SLC8A1: variants seen among roughly 807,000 people sequenced by gnomAD.
SLC8A1 encodes solute carrier family 8 member A1.
Under a neutral mutation model 68.3 loss-of-function variants are expected in SLC8A1, and 18 were observed. That is an observed-to-expected ratio of 0.26 (90% CI 0.18 to 0.39). The LOEUF is 0.39. Among genes scored for constraint, SLC8A1 ranks in the 10% least tolerant of loss-of-function variants. SLC8A1 has a pLI of 1.00. For missense variants in SLC8A1, 985 were observed against 1,156.7 expected, an observed-to-expected ratio of 0.85 and a Z score of 2.15; for synonymous variants, 475 against 415.5, an observed-to-expected ratio of 1.14 and a Z score of -1.74.
At chr2:40,408,817 T>C (rs1691192084) in intron 2 of SLC8A1, among the ~76,000 whole-genome samples, 1 of 152,192 alleles carries the variant, frequency 6.6e-6, no homozygotes, top group Admixed American at 6.5e-5. Flanking sequence ...CTAATTCTGT[T>C]ATGCTGAAAG....
chr2:40,447,699 C>A (rs1449148215), intron 1 of SLC8A1, among the ~76,000 whole-genome samples: 1 of 151,832 alleles, frequency 6.6e-6, no homozygotes, highest in Non-Finnish European at 1.5e-5. Flanking sequence ...GATAGAATTC[C>A]TTTATTCAAA....
chr2:40,250,332 T>C (rs925768517), intron 2 of SLC8A1: 2 of 152,148 alleles, frequency 1.3e-5, no homozygotes, highest in Non-Finnish European at 2.9e-5. Context: ...AATATATGCA[T>C]TACGAAGAGA....
At chr2:40,384,894 G>A (rs1683068270) in intron 2 of SLC8A1, among the ~76,000 whole-genome samples, 1 of 151,802 alleles carries the variant, frequency 6.6e-6, no homozygotes, top group Non-Finnish European at 1.5e-5. Flanking sequence ...ATTAACAACT[G>A]TTACTTATAA....
At chr2:40,378,216 C>T (rs192498738) in intron 2 of SLC8A1, among the ~76,000 whole-genome samples, 3 of 152,000 alleles carry the variant, frequency 2.0e-5, no homozygotes, top group African/African-American at 4.8e-5. Flanking sequence ...CAGGGGGAAA[C>T]AGTATATGGA....
chr2:40,160,727 G>A (rs747107611), intron 6 of SLC8A1, 38 bp downstream of exon 9: 2 of 1,576,244 alleles, frequency 1.3e-6, no homozygotes, highest in Admixed American at 1.7e-5. Flanking sequence ...CTCAGATTGG[G>A]CAATTTTAAT....
intron 2 of SLC8A1, among the ~76,000 whole-genome samples, chr2:40,342,171 TA>T (rs1258108969): frequency 6.6e-6 from 1 of 152,132 alleles, no homozygotes; most frequent in African/African-American, 2.4e-5. Context: ...GTTGAAAAGA[TA>T]ACCCCAAGGG....
At chr2:40,132,282 C>A (rs2039537459) in intron 7 of SLC8A1, among the ~76,000 whole-genome samples, 1 of 152,052 alleles carries the variant, frequency 6.6e-6, no homozygotes, top group Non-Finnish European at 1.5e-5. Flanking sequence ...TTTACCATCC[C>A]TACAAACTTT....
intron 2 of SLC8A1, among the ~76,000 whole-genome samples, chr2:40,322,622 G>A (rs577385591): frequency 3.1e-4 from 47 of 151,928 alleles, no homozygotes; most frequent in Non-Finnish European, 6.5e-4. Context: ...GCTGCAGGGA[G>A]CTGTGATGAC....
chr2:40,291,983 T>C (rs965335980), intron 2 of SLC8A1, among the ~76,000 whole-genome samples: 5 of 151,868 alleles, frequency 3.3e-5, no homozygotes, highest in African/African-American at 1.2e-4. Flanking sequence ...ATAATCAACG[T>C]ATGTCAGAGA....
chr2:40,358,883 G>T (rs1002434297), intron 2 of SLC8A1, among the ~76,000 whole-genome samples: 1 of 152,132 alleles, frequency 6.6e-6, no homozygotes, highest in African/African-American at 2.4e-5. Context: ...TGAAGGCAAA[G>T]AACCACACAA....
chr2:40,224,006 T>G (rs1365517557), intron 2 of SLC8A1, among the ~76,000 whole-genome samples: 2 of 152,048 alleles, frequency 1.3e-5, no homozygotes, highest in East Asian at 3.9e-4. Context: ...CATAAGTAGC[T>G]ATTTAAGTGA....
intron 2 of SLC8A1, among the ~76,000 whole-genome samples, chr2:40,244,079 T>G (rs2148981956): frequency 6.6e-6 from 1 of 152,198 alleles, no homozygotes; most frequent in African/African-American, 2.4e-5. Flanking sequence ...AGCAATTTAA[T>G]GGAAAGTGCT....
intron 1 of SLC8A1, chr2:40,446,515 T>G (rs545448909): frequency 6.6e-6 from 1 of 152,206 alleles, no homozygotes; most frequent in Non-Finnish European, 1.5e-5. Context: ...ATTAAAATGC[T>G]TCCTCCTCCG....
chr2:40,148,639 G>T (rs551347599), intron 6 of SLC8A1, among the ~76,000 whole-genome samples: 4 of 152,130 alleles, frequency 2.6e-5, no homozygotes, highest in Non-Finnish European at 5.9e-5. Context: ...TGACCGTAAG[G>T]TCCCATGATT....
chr2:40,251,011 C>CG (rs2062662043), intron 2 of SLC8A1: 1 of 151,890 alleles, frequency 6.6e-6, no homozygotes, highest in Non-Finnish European at 1.5e-5. Context: ...CTACAGAACT[C>CG]GGGAGAGTTA....
intron 2 of SLC8A1, among the ~76,000 whole-genome samples, chr2:40,299,011 G>C (rs754861094): frequency 1.1e-4 from 17 of 152,158 alleles, no homozygotes; most frequent in Non-Finnish European, 1.9e-4. Flanking sequence ...TCTACTTGGG[G>C]AGGAGGCCTC....
chr2:40,141,842 T>C (rs182360350), intron 6 of SLC8A1, among the ~76,000 whole-genome samples: 154 of 152,212 alleles, frequency 1.0e-3, no homozygotes, highest in African/African-American at 3.4e-3. Flanking sequence ...AATAGGAAAT[T>C]GGGATGCACA....
chr2:40,369,206 G>A (rs1022003018), intron 2 of SLC8A1, among the ~76,000 whole-genome samples: 1 of 152,038 alleles, frequency 6.6e-6, no homozygotes, highest in Non-Finnish European at 1.5e-5. Flanking sequence ...TTAAACTAAA[G>A]AGCTTCTGCA....
At chr2:40,176,203 G>A (rs1043203828) in intron 3 of SLC8A1, among the ~76,000 whole-genome samples, 4 of 152,070 alleles carry the variant, frequency 2.6e-5, no homozygotes, top group Non-Finnish European at 5.9e-5. Flanking sequence ...TCTAATGATG[G>A]TGGCATTAGA....
Sources: allele counts gnomAD v4.1 joint callset (sites outside exome capture counted in the v4.1 genomes callset), GRCh38; gene constraint gnomAD v4.1.1; transcripts MANE v1.5; gene names NCBI Gene and HGNC (gene_info 2026-07-23, HGNC 2026-07-21).